Variants in ZC3HC1 observed in about 807,000 individuals in gnomAD.
ZC3HC1 encodes the protein zinc finger C3HC-type containing 1.
A neutral mutation model predicts 61.9 loss-of-function variants in ZC3HC1; 38 were observed. The ratio of observed to expected loss-of-function variants is 0.61; its 90% CI spans 0.47 to 0.81. ZC3HC1 has a LOEUF of 0.81. ZC3HC1 is among the 30% of genes least tolerant of loss of function. The probability of loss-of-function intolerance (pLI) is 0.00; values close to 1 mark genes in which losing one functional copy is unlikely to be tolerated. For missense variants in ZC3HC1, 554 were observed against 622.7 expected, an observed-to-expected ratio of 0.89 and a Z score of 1.17; for synonymous variants, 213 against 229.9, an observed-to-expected ratio of 0.93 and a Z score of 0.67.
rs200274826 is a variant in ZC3HC1 at position 130,024,343 on chromosome 7, G to T, written c.940C>A (p.Arg314Ser). ...GGAGATTCAGGCACCAGAGGTAAGC[G>T]CTCTGGTCGCCCCTCAAGGCCTGGG... ...PIPGLEGRPE[R>S]LPLVPESPRR... is the part of the protein sequence containing the mutation. The change falls in exon 7 of 10, where the codon CGC (arginine) becomes AGC (serine). Residue 314 changes from arginine (R) to serine (S), a missense_variant. Physicochemically the swap from Arg to Ser is moderately radical, Grantham distance 110. Transcript: ENST00000358303. 5 of 1,613,984 alleles carry T rather than the reference G, an allele frequency of 3.1e-6. No individual in the cohort carries two copies. In the South Asian group the frequency reaches 4.4e-5, roughly 14 times the overall value.
intron 9 of ZC3HC1, among the ~76,000 whole-genome samples, chr7:130,021,869 A>C (rs1793655364): frequency 1.3e-5 from 2 of 152,166 alleles, no homozygotes; most frequent in Non-Finnish European, 2.9e-5. Context: ...GGACGAAAGC[A>C]GAATGAGTCT....
chr7:130,049,646 G>A (rs1274063210), intron 1 of ZC3HC1, among the ~76,000 whole-genome samples: 1 of 150,852 alleles, frequency 6.6e-6, no homozygotes, highest in Admixed American at 6.6e-5. Context: ...CCAGGTTCAA[G>A]CAATTCTCCT....
intron 3 of ZC3HC1, among the ~76,000 whole-genome samples, chr7:130,040,497 C>CAAAAAA (rs35982469): frequency 2.3e-5 from 1 of 44,172 alleles, no homozygotes. Flanking sequence ...GACTCCGTCT[C>CAAAAAA]AAAAAAAAAA....
At position 130,026,257 on chromosome 7, in the gene ZC3HC1, T is replaced by G; in HGVS notation, c.677A>C (p.Asp226Ala). Reference protein sequence around the residue: ...LLLHLLEDELDHRTDERKTTI... With the variant: ...LLLHLLEDELAHRTDERKTTI... ...AGTTTTTCTCTCATCAGTTCGGTGA[T>G]CAAGTTCATCTTCAAGCAAGTGTAG... The change falls in exon 6 of 10, where the codon GAT (aspartate) becomes GCT (alanine). Residue 226 changes from aspartate (D) to alanine (A), a missense_variant. Asp to Ala is a moderately radical substitution (Grantham distance 126). Transcript: ENST00000358303. 6.2e-7 allele frequency: 1 copy of G among 1,614,088 alleles called. No individual in the cohort carries two copies. The highest frequency in any genetic ancestry group is 8.5e-7 in the Non-Finnish European group (1 of 1,179,988).
Position 130,023,149 on chromosome 7 carries a change from C to T in ZC3HC1, c.1233+362G>A, listed in dbSNP as rs185988433. 7.4e-4 allele frequency: 188 copies of T among 252,872 alleles called. No homozygotes were observed. Among genetic ancestry groups the T allele is most frequent in the Middle Eastern group, 1.4e-3 (1 of 694 alleles). The allele number at this position is 252,872 out of a possible 1,614,324, so 15.7% of individuals were successfully genotyped here. ...AAGTACACAATACATGTAATGTGCTCGTATCATCCCGAAACCATCCTCCCA... is the reference window on the plus strand; with the variant it reads ...AAGTACACAATACATGTAATGTGCTTGTATCATCCCGAAACCATCCTCCCA... On this transcript the variant is annotated intron_variant, in intron 8 of 9. Transcript: ENST00000358303. This position sits in a 1 kb window ranked among gnomAD's most constrained non-coding sequence, Gnocchi z 4.2.
intron 2 of ZC3HC1, among the ~76,000 whole-genome samples, chr7:130,042,873 G>A (rs1794733402): frequency 6.6e-6 from 1 of 152,278 alleles, no homozygotes; most frequent in South Asian, 2.1e-4. Flanking sequence ...AATAGAGAAG[G>A]GGTTTTGCCA....
rs1428444158 is a variant in ZC3HC1 at position 130,029,041 on chromosome 7, G to C, written c.494-12C>G. On this transcript the variant is annotated splice_polypyrimidine_tract_variant and intron_variant, in intron 4 of 9. Transcript: ENST00000358303. ...CATCCCAAATCGGTCTGTGGAAAAA[G>C]TAAATTGGAAGATTATATTGGTGTA... is the stretch of plus-strand genomic sequence containing the variant. The C allele has an allele frequency of 1.2e-6, 2 of 1,608,118 alleles. No homozygotes were observed. Among genetic ancestry groups the C allele is most frequent in the African/African-American group, 2.7e-5 (2 of 74,714 alleles).
chr7:130,030,333 G>A (rs978009657), intron 4 of ZC3HC1, among the ~76,000 whole-genome samples: 1 of 151,694 alleles, frequency 6.6e-6, no homozygotes, highest in Non-Finnish European at 1.5e-5. Flanking sequence ...CTGAGTAGCC[G>A]GGATTACAGG....
At chr7:130,046,269 A>T (rs1794862210) in intron 2 of ZC3HC1, among the ~76,000 whole-genome samples, 1 of 152,082 alleles carries the variant, frequency 6.6e-6, no homozygotes, top group African/African-American at 2.4e-5. Context: ...TATGTAACAA[A>T]CCCGCACATC....
At chr7:130,026,969 C>CAAAAAAAAAAAA (rs1170912030) in intron 5 of ZC3HC1, 1 of 47,750 alleles carries the variant, frequency 2.1e-5, no homozygotes, top group Non-Finnish European at 4.4e-5. Flanking sequence ...GACTCCGTAT[C>CAAAAAAAAAAAA]AAAAAAAAAA....
intron 6 of ZC3HC1, 75 bp downstream of exon 6, chr7:130,026,083 C>A: frequency 6.9e-7 from 1 of 1,441,790 alleles, no homozygotes; most frequent in Non-Finnish European, 9.3e-7. Flanking sequence ...TTTCTAAATA[C>A]GATTAGTGAC....
intron 2 of ZC3HC1, among the ~76,000 whole-genome samples, chr7:130,048,185 T>C (rs1180748311): frequency 7.0e-6 from 1 of 142,908 alleles, no homozygotes; most frequent in East Asian, 2.3e-4. Flanking sequence ...AGTCTTGCTC[T>C]GCTGCCAAGG....
chr7:130,032,745 AAG>A (rs1480004666), intron 4 of ZC3HC1, among the ~76,000 whole-genome samples: 1 of 31,182 alleles, frequency 3.2e-5, no homozygotes, highest in Non-Finnish European at 6.1e-5. Flanking sequence ...GAGGGACAGT[AAG>A]AGGGGAAGGG....
chr7:130,023,947 C>G lies in ZC3HC1; in HGVS notation c.1021-224G>C, dbSNP rs1321147362. On this transcript the variant is annotated intron_variant, in intron 7 of 9. Transcript: ENST00000358303. The surrounding 1 kb of genome is among the most constrained non-coding windows in gnomAD (Gnocchi z 4.2). ...CCCAAGTAGCTGGGATTACAGGTGC[C>G]TGCCACCACACCTGGCTAATTTTTG... 6.6e-6 allele frequency among the ~76,000 whole-genome samples: 1 copy of G among 151,950 alleles called. No homozygotes were observed. Among genetic ancestry groups the G allele is most frequent in the Non-Finnish European group, 1.5e-5 (1 of 67,992 alleles).
At position 130,023,543 on chromosome 7, in the gene ZC3HC1, T is replaced by G; in HGVS notation, c.1201A>C (p.Lys401Gln). The G allele has an allele frequency of 6.2e-7, 1 of 1,614,160 alleles. No individual in the cohort carries two copies. The highest frequency in any genetic ancestry group is 8.5e-7 in the Non-Finnish European group (1 of 1,180,034). ...EVPSSPLRKA[K>Q]RARLCSSSSS... is the part of the protein sequence containing the mutation. ...CTGGAGGAGCAGAGGCGAGCTCGCT[T>G]GGCTTTCCGCAGAGGGCTAGATGGT... The change falls in exon 8 of 10, where the codon AAG becomes CAG. Residue 401 changes from lysine to glutamine, a missense_variant. Coordinates refer to ENST00000358303, the MANE Select transcript of ZC3HC1 (RefSeq NM_016478.5). The surrounding 1 kb of genome is among the most constrained non-coding windows in gnomAD (Gnocchi z 4.2).
Position 130,026,257 on chromosome 7 carries a change from TC to T in ZC3HC1, c.676del (p.Asp226IlefsTer13). 2 of 1,614,088 alleles carry T rather than the reference TC, an allele frequency of 1.2e-6. No homozygotes were observed. Among genetic ancestry groups the T allele is most frequent in the Non-Finnish European group, 1.7e-6 (2 of 1,179,988 alleles). On this transcript the variant is annotated frameshift_variant, in exon 6 of 10. Coordinates refer to ENST00000358303, the MANE Select transcript of ZC3HC1 (RefSeq NM_016478.5). LOFTEE classifies it high-confidence loss of function. Reference protein sequence around the residue: ...LLLHLLEDELDHRTDERKTTI... With the variant: ...LLLHLLEDELXHRTDERKTTI... ...AGTTTTTCTCTCATCAGTTCGGTGA[TC>T]AAGTTCATCTTCAAGCAAGTGTAGG...
chr7:130,019,051 T>C lies in ZC3HC1; in HGVS notation c.1441-319A>G, dbSNP rs533753550. ...GTACAGCACATGTTTTGCACTGGTTTTTCTTTTTTTTTTTTTTTTTGAGAC... is the reference window on the plus strand; with the variant it reads ...GTACAGCACATGTTTTGCACTGGTTCTTCTTTTTTTTTTTTTTTTTGAGAC... On this transcript the variant is annotated intron_variant, in intron 9 of 9. Coordinates refer to ENST00000358303, the MANE Select transcript of ZC3HC1 (RefSeq NM_016478.5). 3.3e-4 allele frequency among the ~76,000 whole-genome samples: 48 copies of C among 143,412 alleles called. No homozygotes were observed. In the South Asian group the frequency reaches 0.011, roughly 32 times the overall value. The allele number at this position is 143,412 out of a possible 152,430, so 94.1% of individuals were successfully genotyped here. A position where few individuals can be genotyped will look rare whatever the true frequency, so the allele number is the denominator to read the frequency against.
rs1368628579 is a variant in ZC3HC1, at chr7:130,026,295, C to T, written c.639G>A (p.Lys213=). The T allele has an allele frequency of 6.2e-7, 1 of 1,613,436 alleles. No individual in the cohort carries two copies. The highest frequency in any genetic ancestry group is 2.2e-5 in the East Asian group (1 of 44,870). The stretch of plus-strand genomic sequence containing the variant: ...CAAGCAAGTGTAGGAGAAGACTGAT[C>T]TTGTCTTCTGTCAAGCACTACAAGG... The part of the protein sequence containing the change: ...DLKTMCLTED[K]ISLLLHLLED... Residue 213 remains lysine (K), a synonymous_variant, in exon 6 of 10, where the codon AAG becomes AAA. Transcript: ENST00000358303.
chr7:130,051,430 GT>G (rs1209437897), upstream of ZC3HC1: 1 of 1,600,726 alleles, frequency 6.2e-7, no homozygotes, highest in Non-Finnish European at 8.5e-7. Context: ...GTCCTGGGAG[GT>G]TAATATCCGC....
Sources: allele counts gnomAD v4.1 joint callset (sites outside exome capture counted in the v4.1 genomes callset), GRCh38; gene constraint gnomAD v4.1.1; non-coding constraint Gnocchi (gnomAD v3.1); transcripts MANE v1.5; gene names NCBI Gene and HGNC (gene_info 2026-07-23, HGNC 2026-07-21).